The following XRCC3 variants were observed in gnomAD, a reference collection of about 807,000 sequenced individuals.
The protein encoded by XRCC3 is DNA repair protein XRCC3.
XRCC3 carries 34 observed loss-of-function variants against 29.2 expected under a neutral mutation model. The observed-to-expected ratio is 1.16, with a 90% confidence interval of 0.88 to 1.55. XRCC3 has a LOEUF of 1.55. XRCC3 is among the 40% of genes most tolerant of loss of function. The pLI, the probability that XRCC3 is intolerant of heterozygous loss-of-function variation, is 0.00. For missense variants in XRCC3, 463 were observed against 467.6 expected (o/e 0.99, Z 0.09); for synonymous variants, 223 against 211.3 (o/e 1.06, Z -0.48).
chr14:103,703,620 C>A, intron 6 of XRCC3: 1 of 453,108 alleles, frequency 2.2e-6, no homozygotes, highest in Non-Finnish European at 4.1e-6. Flanking sequence ...AGATGGGAGG[C>A]CTCTCCTGCT....
chr14:103,708,515 C>A lies in XRCC3; in HGVS notation c.193+7G>T. 6.2e-7 allele frequency: 1 copy of A among 1,613,714 alleles called. No individual in the cohort carries two copies. Among genetic ancestry groups the A allele is most frequent in the Non-Finnish European group, 8.5e-7 (1 of 1,179,982 alleles). On this transcript the variant is annotated splice_region_variant and intron_variant, in intron 5 of 9. Coordinates refer to ENST00000555055, the MANE Select transcript of XRCC3 (RefSeq NM_005432.4). ...CACCCCTGGCAGAGATGCCAGGGCC[C>A]ACCTACCTGTAAGGATGCTGCTTCC...
Position 103,698,945 on chromosome 14 carries a change from A to C in XRCC3, c.894T>G (p.Ala298=), listed in dbSNP as rs1436896238. Residue 298 remains alanine, a synonymous_variant, in exon 10 of 10, where the codon GCT becomes GCG. Transcript: ENST00000555055. ...WANQLLVRLL[A]DRLREEEAAL... is the part of the protein sequence containing the mutation. Reference sequence around the variant, plus strand: ...CAGCCTCTTCCTCGCGGAGCCGGTCAGCCAGCAGTCTCACCAGGAGCTGGT... The same window carrying C: ...CAGCCTCTTCCTCGCGGAGCCGGTCCGCCAGCAGTCTCACCAGGAGCTGGT... 8.1e-6 allele frequency: 13 copies of C among 1,601,030 alleles called. No homozygotes were observed. Among genetic ancestry groups the C allele is most frequent in the Non-Finnish European group, 1.1e-5 (13 of 1,174,098 alleles).
intron 7 of XRCC3, 50 bp downstream of exon 7, chr14:103,703,123 G>C (rs779008247): frequency 1.3e-6 from 2 of 1,546,462 alleles, no homozygotes; most frequent in Non-Finnish European, 8.7e-7. Context: ...TGCCCCAATG[G>C]TCCTGAATAG....
At chr14:103,711,971 G>A in intron 2 of XRCC3, 1 of 349,146 alleles carries the variant, frequency 2.9e-6, no homozygotes, top group South Asian at 2.2e-5. Context: ...GGCGCCCTTG[G>A]CCGTAACCCA....
At chr14:103,706,692 G>A in intron 6 of XRCC3, 1 of 447,666 alleles carries the variant, frequency 2.2e-6, no homozygotes, top group Non-Finnish European at 4.2e-6. Flanking sequence ...CTCTGGGCTT[G>A]GCAGCTGTGC....
intron 6 of XRCC3, chr14:103,706,615 C>A: frequency 2.6e-6 from 1 of 378,498 alleles, no homozygotes; most frequent in Non-Finnish European, 5.1e-6. Context: ...CAGGAGCATA[C>A]CTGGCCTGGC....
chr14:103,708,354 C>T, intron 5 of XRCC3, 168 bp downstream of exon 5: 1 of 1,013,972 alleles, frequency 9.9e-7, no homozygotes, highest in Non-Finnish European at 1.5e-6. Context: ...GTGACCACAG[C>T]CCCATGGGTG....
chr14:103,703,562 C>T (rs554138630), intron 6 of XRCC3: 12 of 561,298 alleles, frequency 2.1e-5, no homozygotes, highest in Non-Finnish European at 3.9e-5. Context: ...ACTTCTGACA[C>T]CCAGGCAAGG....
intron 6 of XRCC3, chr14:103,706,407 A>G (rs141823016): frequency 3.6e-4 from 165 of 456,100 alleles, no homozygotes; most frequent in African/African-American, 3.0e-3. Flanking sequence ...CAACGTGGGA[A>G]TCGCATGTTG....
At chr14:103,702,699 T>C (rs1038632767) in intron 7 of XRCC3, 4 of 191,698 alleles carry the variant, frequency 2.1e-5, no homozygotes, top group African/African-American at 6.9e-5. Context: ...CCGCCCTGCC[T>C]GCCTGGCCCA....
intron 6 of XRCC3, chr14:103,705,037 T>G (rs796524771): frequency 2.6e-5 from 4 of 152,354 alleles, no homozygotes; most frequent in African/African-American, 9.6e-5. Context: ...GATTTTGCTT[T>G]GACAGAATTT....
At chr14:103,700,728 G>C (rs368539982) in intron 7 of XRCC3, 6 of 1,594,522 alleles carry the variant, frequency 3.8e-6, no homozygotes, top group East Asian at 4.6e-5. Flanking sequence ...CACCGCTAAC[G>C]TGAGTCCCAC....
chr14:103,700,834 G>A, intron 7 of XRCC3: 1 of 927,260 alleles, frequency 1.1e-6, no homozygotes. Context: ...GGTGACTGCT[G>A]CTAGCTGCCA....
chr14:103,708,553 G>A lies in XRCC3; in HGVS notation c.162C>T (p.Ser54=). The A allele has an allele frequency of 6.2e-7, 1 of 1,614,050 alleles. No individual in the cohort carries two copies. The highest frequency in any genetic ancestry group is 8.5e-7 in the Non-Finnish European group (1 of 1,179,974). Residue 54 remains serine (S), a synonymous_variant, in exon 5 of 10, where the codon TCC becomes TCT. Transcript: ENST00000555055. ...GGATGCTGCTTCCCCGCAAGTGTAA[G>A]GAGGCCGTTCTCAGCAAGTGCCAGA... The part of the protein sequence containing the change: ...PEVWHLLRTA[S]LHLRGSSILT...
intron 4 of XRCC3, chr14:103,708,909 G>A (rs1716955753): frequency 1.0e-5 from 5 of 494,280 alleles, no homozygotes; most frequent in East Asian, 4.1e-5. Flanking sequence ...TACCAGCCTC[G>A]TGAGCTGGGG....
At chr14:103,700,590 G>C in intron 7 of XRCC3, 1 of 1,343,922 alleles carries the variant, frequency 7.4e-7, no homozygotes, top group South Asian at 1.2e-5. Context: ...CACGCCCGGA[G>C]CTCTGAAGAC....
At chr14:103,709,070 G>C in intron 4 of XRCC3, 1 of 349,028 alleles carries the variant, frequency 2.9e-6, no homozygotes, top group Non-Finnish European at 5.6e-6. Flanking sequence ...TCCACCACCC[G>C]CCCACCAGGC....
At chr14:103,706,892 T>C (rs2083454401) in intron 6 of XRCC3, 111 bp downstream of exon 6, 1 of 1,204,048 alleles carries the variant, frequency 8.3e-7, no homozygotes. Flanking sequence ...GGAGACGCAA[T>C]GGTAGGAACA....
rs778540307 is a variant in XRCC3, at chr14:103,699,376, C to T, written c.762G>A (p.Leu254=). 6 of 1,608,066 alleles carry T rather than the reference C, an allele frequency of 3.7e-6. No individual in the cohort carries two copies. The highest frequency in any genetic ancestry group is 1.3e-5 in the African/African-American group (1 of 74,790). The change falls in exon 8 of 10, where the codon CTG becomes CTA. Residue 254 remains leucine (L), a synonymous_variant. Transcript: ENST00000555055. Reference sequence around the variant, plus strand: ...CCTTGGTGCTCACCTGGTTGATGCACAGCACAGGGCTCTGGAAGGCACTGC... The same window carrying T: ...CCTTGGTGCTCACCTGGTTGATGCATAGCACAGGGCTCTGGAAGGCACTGC... ...ELSSAFQSPV[L]CINQVTEAME...
Sources: gnomAD v4.1 joint callset for allele counts on GRCh38, gnomAD v4.1.1 for gene constraint, MANE v1.5 for transcripts, NCBI Gene and HGNC (gene_info 2026-07-23, HGNC 2026-07-21) for gene names.